KLHL1: variants seen among roughly 807,000 people sequenced by gnomAD.
The protein encoded by KLHL1 is kelch like family member 1, also known as kelch-like protein 1.
In KLHL1, 47 loss-of-function variants were observed where a neutral mutation model predicts 77.7. The observed-to-expected ratio is 0.60, with a 90% CI of 0.48 to 0.77. The LOEUF (loss-of-function observed/expected upper bound fraction) is 0.77, where lower values mean the gene tolerates loss of function less well. Ranked by LOEUF, KLHL1 falls within the 30% of genes least tolerant of loss-of-function variation. KLHL1 has a pLI of 0.00. For synonymous variants in KLHL1, 360 were observed against 325.2 expected (o/e 1.11, Z -1.15); for missense variants, 925 against 910.8 (o/e 1.02, Z -0.20).
At chr13:70,082,322 CACACA>C in intron 1 of KLHL1, among the ~76,000 whole-genome samples, 1 of 92,714 alleles carries the variant, frequency 1.1e-5, no homozygotes, top group Non-Finnish European at 2.3e-5. Context: ...CACACACACA[CACACA>C]CACACACACA....
At chr13:69,725,651 T>C (rs1873262243) in intron 8 of KLHL1, among the ~76,000 whole-genome samples, 1 of 128,000 alleles carries the variant, frequency 7.8e-6, no homozygotes, top group Admixed American at 7.3e-5. Flanking sequence ...TGTGTTATAA[T>C]AGTAGCAAGT....
chr13:69,870,455 A>G (rs1037216014), intron 5 of KLHL1, among the ~76,000 whole-genome samples: 8 of 151,986 alleles, frequency 5.3e-5, no homozygotes, highest in African/African-American at 1.9e-4. Context: ...TTGGGGGACA[A>G]ACATCCAAAC....
intron 8 of KLHL1, among the ~76,000 whole-genome samples, chr13:69,725,899 A>C (rs537158211): frequency 1.3e-5 from 2 of 152,158 alleles, no homozygotes; most frequent in East Asian, 3.9e-4. Context: ...AGCCCTATGT[A>C]GCATGGTGCA....
intron 1 of KLHL1, among the ~76,000 whole-genome samples, chr13:69,985,589 A>C (rs1417696486): frequency 6.6e-6 from 1 of 151,428 alleles, no homozygotes; most frequent in East Asian, 1.9e-4. Context: ...GGAGACTCTT[A>C]AGAAAAAACA....
At chr13:69,774,580 G>T (rs1203389400) in intron 7 of KLHL1, among the ~76,000 whole-genome samples, 1 of 151,786 alleles carries the variant, frequency 6.6e-6, no homozygotes, top group Admixed American at 6.6e-5. Context: ...GAATCTAAAT[G>T]ATTAAATCAC....
intron 1 of KLHL1, among the ~76,000 whole-genome samples, chr13:70,058,415 G>A (rs942001920): frequency 6.6e-6 from 1 of 152,078 alleles, no homozygotes; most frequent in Non-Finnish European, 1.5e-5. Context: ...AAAATCACTA[G>A]CATTTATGTA....
intron 4 of KLHL1, among the ~76,000 whole-genome samples, chr13:69,905,798 A>C (rs1278320673): frequency 6.6e-6 from 1 of 152,050 alleles, no homozygotes; most frequent in Non-Finnish European, 1.5e-5. Context: ...AAATTCAGGG[A>C]ATCTACAAAA....
chr13:69,995,046 T>G (rs1337475332), intron 1 of KLHL1, among the ~76,000 whole-genome samples: 1 of 152,118 alleles, frequency 6.6e-6, no homozygotes, highest in Non-Finnish European at 1.5e-5. Context: ...TCCCTGCCAG[T>G]AGCCCAGTTA....
At chr13:69,723,798 C>T (rs1488017435) in intron 8 of KLHL1, among the ~76,000 whole-genome samples, 1 of 151,818 alleles carries the variant, frequency 6.6e-6, no homozygotes, top group Non-Finnish European at 1.5e-5. Context: ...CCAGACATTC[C>T]TTTCGGCTGA....
chr13:69,829,066 G>T (rs1878660466), intron 6 of KLHL1, among the ~76,000 whole-genome samples: 1 of 150,510 alleles, frequency 6.6e-6, no homozygotes, highest in Non-Finnish European at 1.5e-5. Context: ...AAATCTTAGG[G>T]CAAGCTTATA....
In KLHL1 at chr13:69,708,947, A is replaced by G. The variant is rs182460427; in HGVS notation, c.2016-1151T>C. ...TCCTAAAACAAATGAAGAAATAAAA[A>G]TACCTATACTTTGCTGAAAATAAAT... On this transcript the variant is annotated intron_variant, in intron 9 of 10. Coordinates refer to ENST00000377844, the MANE Select transcript of KLHL1 (RefSeq NM_020866.3). Among the ~76,000 whole-genome samples the G allele has an allele frequency of 3.4e-4, 52 of 152,238 alleles. No individual in the cohort carries two copies. In the East Asian group the frequency reaches 7.9e-3, roughly 23 times the overall value.
chr13:69,769,239 A>C (rs1875450103), intron 7 of KLHL1, among the ~76,000 whole-genome samples: 1 of 152,200 alleles, frequency 6.6e-6, no homozygotes, highest in African/African-American at 2.4e-5. Context: ...AGGGACTAAA[A>C]GAAGGGTGAG....
chr13:69,793,336 G>A (rs1593837614), intron 7 of KLHL1, among the ~76,000 whole-genome samples: 1 of 151,976 alleles, frequency 6.6e-6, no homozygotes, highest in African/African-American at 2.4e-5. Flanking sequence ...AATTCCCTGG[G>A]CAGATCTTTG....
At chr13:69,816,329 C>T (rs188054908) in intron 6 of KLHL1, among the ~76,000 whole-genome samples, 343 of 150,418 alleles carry the variant, frequency 2.3e-3, no homozygotes, top group African/African-American at 7.3e-3. Flanking sequence ...AGCACAATCT[C>T]GGCTCACTGA....
At chr13:69,846,648 T>C (rs960180724) in intron 5 of KLHL1, among the ~76,000 whole-genome samples, 18 of 151,458 alleles carry the variant, frequency 1.2e-4, no homozygotes, top group African/African-American at 3.9e-4. Flanking sequence ...TTTGTTAAAA[T>C]ATTATTCATT....
intron 8 of KLHL1, among the ~76,000 whole-genome samples, chr13:69,725,474 C>A (rs1873251644): frequency 6.6e-6 from 1 of 152,036 alleles, no homozygotes; most frequent in African/African-American, 2.4e-5. Context: ...ATGGTTATAC[C>A]TAGTTAGTAA....
intron 8 of KLHL1, among the ~76,000 whole-genome samples, chr13:69,738,462 G>A (rs1873852948): frequency 6.6e-6 from 1 of 151,980 alleles, no homozygotes; most frequent in South Asian, 2.1e-4. Flanking sequence ...GAGCTAAAGG[G>A]TTATGTCCTA....
chr13:69,761,513 G>A (rs1381926308), intron 7 of KLHL1, among the ~76,000 whole-genome samples: 1 of 152,124 alleles, frequency 6.6e-6, no homozygotes, highest in East Asian at 1.9e-4. Flanking sequence ...GCAGATTTGG[G>A]ATAAACTTCA....
chr13:69,719,935 C>T (rs1052420425), intron 8 of KLHL1, among the ~76,000 whole-genome samples: 4 of 151,856 alleles, frequency 2.6e-5, no homozygotes, highest in Non-Finnish European at 5.9e-5. Flanking sequence ...AAATATAAGA[C>T]AGTGAACATA....
Sources: gnomAD v4.1 joint callset for allele counts (sites outside exome capture counted in the v4.1 genomes callset) on GRCh38, gnomAD v4.1.1 for gene constraint, MANE v1.5 for transcripts, NCBI Gene and HGNC (gene_info 2026-07-23, HGNC 2026-07-21) for gene names.